TIE1: variants seen among roughly 807,000 people sequenced by gnomAD.
TIE1 encodes the protein tyrosine-protein kinase receptor Tie-1.
In TIE1, 89 loss-of-function variants were observed where a neutral mutation model predicts 130.5. The observed-to-expected ratio is 0.68, with a 90% CI of 0.57 to 0.81. The LOEUF is 0.81. Ranked by LOEUF, TIE1 falls within the 40% of genes least tolerant of loss-of-function variation. The pLI is 0.00. For synonymous variants in TIE1, 568 were observed against 629.4 expected, an observed-to-expected ratio of 0.90 and a Z score of 1.46; for missense variants, 1,392 against 1,559.8, an observed-to-expected ratio of 0.89 and a Z score of 1.81.
intron 9 of TIE1, among the ~76,000 whole-genome samples, chr1:43,310,166 T>A (rs1402819503): frequency 2.0e-5 from 3 of 151,296 alleles, no homozygotes; most frequent in African/African-American, 7.3e-5. Context: ...AAGCCCCCTC[T>A]CTCACCTTCT....
At chr1:43,314,544 G>C (rs1646840613) in intron 14 of TIE1, 1 of 996,074 alleles carries the variant, frequency 1.0e-6, no homozygotes, top group East Asian at 1.1e-4. Context: ...ACTTAAGAAA[G>C]GGGCTGGGCA....
At chr1:43,321,170 C>A in intron 19 of TIE1, 99 bp from the exon 20 acceptor site, 2 of 1,254,392 alleles carry the variant, frequency 1.6e-6, no homozygotes, top group Non-Finnish European at 2.3e-6. Flanking sequence ...TAGACACATA[C>A]AGCGGGGCTG....
chr1:43,316,047 A>AGC lies in TIE1; in HGVS notation c.2410-1151_2410-1150insCG, dbSNP rs552467224. On this transcript the variant is annotated intron_variant, in intron 14 of 22. Coordinates refer to ENST00000372476, the MANE Select transcript of TIE1 (RefSeq NM_005424.5). The surrounding 1 kb of genome is among the most constrained non-coding windows in gnomAD (Gnocchi z 4.4). Reference sequence around the variant, plus strand: ...GCCCTTCCGCCTGGGCAACAGAGCGAGACCTTGTCTCAAAACAAACAAAAA... The same window carrying AGC: ...GCCCTTCCGCCTGGGCAACAGAGCGAGCGACCTTGTCTCAAAACAAACAAAAA... Among the ~76,000 whole-genome samples the AGC allele has an allele frequency of 6.3e-4, 96 of 152,336 alleles. No individual in the cohort carries two copies. The highest frequency in any genetic ancestry group is 2.2e-3 in the African/African-American group (90 of 41,580).
At chr1:43,304,796 TG>T in intron 1 of TIE1, 54 bp from the exon 2 acceptor site, 1 of 1,380,868 alleles carries the variant, frequency 7.2e-7, no homozygotes, top group Middle Eastern at 2.7e-4. Flanking sequence ...CTGGGGGCTC[TG>T]GGGCACTAGG....
chr1:43,311,662 T>C lies in TIE1; in HGVS notation c.1334-9T>C. 6.2e-7 allele frequency: 1 copy of C among 1,610,254 alleles called. No individual in the cohort carries two copies. The highest frequency in any genetic ancestry group is 2.2e-5 in the East Asian group (1 of 44,862). On this transcript the variant is annotated splice_polypyrimidine_tract_variant and intron_variant, in intron 9 of 22. Transcript: ENST00000372476. Reference sequence around the variant, plus strand: ...GTGTGCCCATGCCTTACCCTGAGTCTCCTGGCAGTGCCCCCCGTGCCCCTG... The same window carrying C: ...GTGTGCCCATGCCTTACCCTGAGTCCCCTGGCAGTGCCCCCCGTGCCCCTG...
At chr1:43,314,055 G>C (rs1646834777) in intron 14 of TIE1, 87 bp downstream of exon 14, 1 of 596,058 alleles carries the variant, frequency 1.7e-6, no homozygotes, top group Admixed American at 2.9e-5. Flanking sequence ...TGTACACCTT[G>C]TGTGTGTGTG....
rs990362776 is a variant in TIE1, at chr1:43,300,997, G to A, written c.-75G>A. 1 of 1,360,320 alleles carries A rather than the reference G, an allele frequency of 7.4e-7. No individual in the cohort carries two copies. The highest frequency in any genetic ancestry group is 1.0e-6 in the Non-Finnish European group (1 of 1,004,098). The allele number at this position is 1,360,320 out of a possible 1,614,324, so 84.3% of individuals were successfully genotyped here. On this transcript the variant is annotated 5_prime_UTR_variant, in exon 1 of 23. Transcript: ENST00000372476. Reference sequence around the variant, plus strand: ...GCACCGACCCACACTGACCAACACAGGCTGAGCAGTCAGGCCCACAGCATC... The same window carrying A: ...GCACCGACCCACACTGACCAACACAAGCTGAGCAGTCAGGCCCACAGCATC...
intron 7 of TIE1, among the ~76,000 whole-genome samples, chr1:43,308,655 G>T (rs1485921953): frequency 6.6e-6 from 1 of 152,180 alleles, no homozygotes; most frequent in Non-Finnish European, 1.5e-5. Flanking sequence ...TGCTGGCCGG[G>T]GAGCGGGAGC....
Position 43,305,120 on chromosome 1 carries a change from G to A in TIE1, c.328G>A (p.Gly110Arg). 1 of 1,613,672 alleles carries A rather than the reference G, an allele frequency of 6.2e-7. No individual in the cohort carries two copies. The highest frequency in any genetic ancestry group is 8.5e-7 in the Non-Finnish European group (1 of 1,179,770). The part of the protein sequence containing the change: ...VGVFSCVGGA[G>R]ARRTRVIYVH... ...CGTCTTCTCCTGCGTGGGCGGTGCT[G>A]GGGCGCGGCGCACGCGCGTCATCTA... is the stretch of plus-strand genomic sequence containing the variant. The change falls in exon 2 of 23, where the codon GGG becomes AGG. Residue 110 changes from glycine to arginine, a missense_variant. By Grantham distance (125) the Gly-to-Arg change is moderately radical. Transcript: ENST00000372476.
rs753850830 is a variant in TIE1, at chr1:43,314,409, C to G, written c.2409+441C>G. The G allele has an allele frequency of 4.6e-4, 514 of 1,119,860 alleles. 1 individual carries two copies. Among genetic ancestry groups the G allele is most frequent in the Non-Finnish European group, 5.5e-4 (501 of 910,118 alleles). 69.4% of individuals were successfully genotyped at this position (1,119,860 alleles called of 1,614,324 possible). A position where few individuals can be genotyped will look rare whatever the true frequency, so the allele number is the denominator to read the frequency against. On this transcript the variant is annotated intron_variant, in intron 14 of 22. Transcript: ENST00000372476. The stretch of plus-strand genomic sequence containing the variant: ...CCTTCCTGGGCTCGGGAGCCAGCCT[C>G]TGTCTGCACACATCTTTGGCTGATG...
At chr1:43,305,578 C>G (rs61769029) in intron 3 of TIE1, among the ~76,000 whole-genome samples, 1,895 of 152,326 alleles carry the variant, frequency 0.012, 29 homozygotes, top group Admixed American at 0.033. Context: ...CTGCCCCTTC[C>G]CTCTTAGCCC....
rs749052904 is a variant in TIE1, at chr1:43,301,047, G to T, written c.-25G>T. ...CTGACCCCAGGCCCAGCTCGTCCTG[G>T]CTGGCCTGGGTCGGCCTCTGGAGTA... On this transcript the variant is annotated 5_prime_UTR_variant, in exon 1 of 23. Coordinates refer to ENST00000372476, the MANE Select transcript of TIE1 (RefSeq NM_005424.5). 10 of 1,612,964 alleles carry T rather than the reference G, an allele frequency of 6.2e-6. No homozygotes were observed. The East Asian group carries it at 2.2e-4, about 36-fold the overall frequency.
rs1646708612 is a variant in TIE1 at position 43,304,909 on chromosome 1, C to T, written c.117C>T (p.Phe39=). 2 of 1,437,854 alleles carry T rather than the reference C, an allele frequency of 1.4e-6. No individual in the cohort carries two copies. Among genetic ancestry groups the T allele is most frequent in the Admixed American group, 5.8e-5 (2 of 34,310 alleles). 89.1% of individuals were successfully genotyped at this position (1,437,854 alleles called of 1,614,324 possible). A position where few individuals can be genotyped will look rare whatever the true frequency, so the allele number is the denominator to read the frequency against. Residue 39 remains phenylalanine, a synonymous_variant, in exon 2 of 23, where the codon TTC becomes TTT. Coordinates refer to ENST00000372476, the MANE Select transcript of TIE1 (RefSeq NM_005424.5). The part of the protein sequence containing the change: ...ANLRLTDPQR[F]FLTCVSGEAG... Reference sequence around the variant, plus strand: ...TGCGGCTCACGGACCCCCAGCGCTTCTTCCTGACTTGCGTGTCTGGGGAGG... The same window carrying T: ...TGCGGCTCACGGACCCCCAGCGCTTTTTCCTGACTTGCGTGTCTGGGGAGG...
chr1:43,321,827 A>G, intron 22 of TIE1, 112 bp downstream of exon 22: 1 of 1,012,992 alleles, frequency 9.9e-7, no homozygotes, highest in African/African-American at 1.6e-5. Context: ...AACCTCCCTC[A>G]GTGGGGGCTG....
chr1:43,313,866 G>A lies in TIE1; in HGVS notation c.2307G>A (p.Val769=). The change falls in exon 14 of 23, where the codon GTG becomes GTA. Residue 769 remains valine (V), a synonymous_variant. Coordinates refer to ENST00000372476, the MANE Select transcript of TIE1 (RefSeq NM_005424.5). This position sits in a 1 kb window ranked among gnomAD's most constrained non-coding sequence, Gnocchi z 6.2. ...TGATCCTGGCGGTGGTGGGCTCCGT[G>A]TCTGCCACCTGCCTCACCATCCTGG... ...QQLILAVVGS[V]SATCLTILAA... The A allele has an allele frequency of 1.2e-6, 2 of 1,614,066 alleles. No homozygotes were observed. Among genetic ancestry groups the A allele is most frequent in the Non-Finnish European group, 1.7e-6 (2 of 1,179,988 alleles).
rs747169091 is a variant in TIE1 at position 43,307,391 on chromosome 1, G to A, written c.773-41G>A. ...GCGACAGGCAGGTCCTGGGCCCAGG[G>A]GCCCACAGAGGCCCATACACCCCAC... On this transcript the variant is annotated intron_variant, in intron 5 of 22. Transcript: ENST00000372476. This position sits in a 1 kb window ranked among gnomAD's most constrained non-coding sequence, Gnocchi z 5.4. 6 of 1,612,374 alleles carry A rather than the reference G, an allele frequency of 3.7e-6. No homozygotes were observed. In the African/African-American group the frequency reaches 6.7e-5, roughly 18 times the overall value.
At chr1:43,301,156 C>A in intron 1 of TIE1, 27 bp downstream of exon 1, 1 of 1,604,550 alleles carries the variant, frequency 6.2e-7, no homozygotes, top group Non-Finnish European at 8.5e-7. Context: ...TCCCTCACCC[C>A]ATTTCTAGGC....
In TIE1 at chr1:43,321,376, C is replaced by A; in HGVS notation, c.3149-20C>A. 1.9e-6 allele frequency: 3 copies of A among 1,613,746 alleles called. No homozygotes were observed. The highest frequency in any genetic ancestry group is 2.5e-6 in the Non-Finnish European group (3 of 1,179,714). ...CCCACGTGGAGCCCTGGACCGAGAGCACTTTGTCCCCTCCTGCAGGAGGTA... is the reference window on the plus strand; with the variant it reads ...CCCACGTGGAGCCCTGGACCGAGAGAACTTTGTCCCCTCCTGCAGGAGGTA... On this transcript the variant is annotated intron_variant, in intron 20 of 22. Coordinates refer to ENST00000372476, the MANE Select transcript of TIE1 (RefSeq NM_005424.5).
Position 43,315,790 on chromosome 1 carries a change from G to A in TIE1, c.2410-1409G>A, listed in dbSNP as rs1646852942. Among the ~76,000 whole-genome samples the A allele has an allele frequency of 6.6e-6, 1 of 152,160 alleles. No individual in the cohort carries two copies. The highest frequency in any genetic ancestry group is 2.4e-5 in the African/African-American group (1 of 41,426). ...GAGGGTAATGGGTACAGATGTCGAG[G>A]GCAGGAGGTGGGAAAGCAGTCCTTA... On this transcript the variant is annotated intron_variant, in intron 14 of 22. Transcript: ENST00000372476. This position sits in a 1 kb window ranked among gnomAD's most constrained non-coding sequence, Gnocchi z 4.4.
Sources: gnomAD v4.1 joint callset for allele counts (sites outside exome capture counted in the v4.1 genomes callset) on GRCh38, gnomAD v4.1.1 for gene constraint, Gnocchi (gnomAD v3.1) non-coding constraint, MANE v1.5 for transcripts, NCBI Gene and HGNC (gene_info 2026-07-23, HGNC 2026-07-21) for gene names.